The following DCAF8L2 variants were observed in gnomAD, a reference collection of about 807,000 sequenced individuals.
DCAF8L2 encodes DDB1 and CUL4 associated factor 8 like 2.
For synonymous variants in DCAF8L2, 200 were observed against 190.9 expected (o/e 1.05, Z -0.39); for missense variants, 430 against 490.7 (o/e 0.88, Z 1.17).
At chrX:27,519,485 T>G in the DCAF8L2 span, 5 of 1,039,226 alleles carry the variant, frequency 4.8e-6, no homozygotes, top group East Asian at 1.2e-4. Context: ...GCTACTGAGT[T>G]GCAACACAAA....
rs1314037827 is a variant in DCAF8L2, at chrX:27,677,887, T to A, written c.-168T>A. On this transcript the variant is annotated 5_prime_UTR_variant, in exon 3 of 5. Transcript: ENST00000451261. The stretch of plus-strand genomic sequence containing the variant: ...ATATCACATGTGAACTTTCTGACCA[T>A]ACTGTGGAGCGGTGCTAATAAGGAG... 3 of 111,922 alleles carry A rather than the reference T, an allele frequency of 2.7e-5. No homozygotes were observed. Among genetic ancestry groups the A allele is most frequent in the Non-Finnish European group, 5.6e-5 (3 of 53,118 alleles). The allele number at this position is 111,922 out of a possible 1,213,427, so 9.2% of individuals were successfully genotyped here. A position where few individuals can be genotyped will look rare whatever the true frequency, so the allele number is the denominator to read the frequency against.
intron 1 of DCAF8L2, among the ~76,000 whole-genome samples, chrX:27,624,935 C>T (rs746079684): frequency 5.4e-5 from 6 of 111,551 alleles, no homozygotes; most frequent in Non-Finnish European, 1.1e-4. Flanking sequence ...TGGATATAGG[C>T]CCTGGCAAAG....
At chrX:27,555,804 C>T in the DCAF8L2 span, among the ~76,000 whole-genome samples, 3 of 111,477 alleles carry the variant, frequency 2.7e-5, no homozygotes, top group Non-Finnish European at 5.7e-5. Flanking sequence ...TCTACCACAG[C>T]CACATGCCAC....
the DCAF8L2 span, among the ~76,000 whole-genome samples, chrX:27,528,476 G>A: frequency 1.2e-3 from 99 of 83,433 alleles, 1 homozygote; most frequent in East Asian, 0.01. Context: ...ATGTGTATGT[G>A]TATATATATA....
At chrX:27,727,691 C>T (rs757576435) in intron 4 of DCAF8L2, among the ~76,000 whole-genome samples, 14 of 111,131 alleles carry the variant, frequency 1.3e-4, no homozygotes, top group Non-Finnish European at 5.7e-5. Flanking sequence ...ATATAAACAC[C>T]GTGCTAAAAT....
rs1418456000 is a variant in DCAF8L2, at chrX:27,592,126, G to A, written c.-342+1686G>A. Among the ~76,000 whole-genome samples, 13 of 112,474 alleles carry A rather than the reference G, an allele frequency of 1.2e-4. No homozygotes were observed. The East Asian group carries it at 3.7e-3, about 32-fold the overall frequency. On this transcript the variant is annotated intron_variant, in intron 1 of 4. Coordinates refer to ENST00000451261, the MANE Select transcript of DCAF8L2 (RefSeq NM_001353450.2). ...AGGCGAGGGCGATGCAGATGGGTAG[G>A]AGGAGTAGCGCCTGCTGCTGCCTGG...
chrX:27,512,537 A>T, the DCAF8L2 span, among the ~76,000 whole-genome samples: 3 of 106,615 alleles, frequency 2.8e-5, no homozygotes, highest in Non-Finnish European at 3.8e-5. Flanking sequence ...TACAAAAATT[A>T]GCTGGGTGTG....
At chrX:27,720,214 G>A (rs1337650866) in intron 4 of DCAF8L2, among the ~76,000 whole-genome samples, 6 of 110,450 alleles carry the variant, frequency 5.4e-5, no homozygotes, top group Non-Finnish European at 1.1e-4. Flanking sequence ...GTCTATTTCT[G>A]GAATCTTGAC....
intron 4 of DCAF8L2, 87 bp from the exon 5 acceptor site, chrX:27,746,751 T>C: frequency 1.9e-6 from 1 of 532,119 alleles, no homozygotes; most frequent in East Asian, 3.6e-5. Context: ...TTTAGTCTCC[T>C]TTAGCCAATC....
intron 3 of DCAF8L2, among the ~76,000 whole-genome samples, chrX:27,708,590 T>C (rs1931418921): frequency 8.9e-6 from 1 of 112,412 alleles, no homozygotes; most frequent in Non-Finnish European, 1.9e-5. Context: ...GGTTTATATA[T>C]ATGCAATCTT....
At chrX:27,514,668 C>CAAAAA in the DCAF8L2 span, among the ~76,000 whole-genome samples, 7 of 2,506 alleles carry the variant, frequency 2.8e-3, no homozygotes, top group Non-Finnish European at 3.7e-3. Flanking sequence ...GACTCCGTCT[C>CAAAAA]AAAAAAAAAA....
intron 3 of DCAF8L2, among the ~76,000 whole-genome samples, chrX:27,703,536 A>G (rs1050635754): frequency 9.0e-6 from 1 of 111,708 alleles, no homozygotes; most frequent in Admixed American, 9.6e-5. Flanking sequence ...TTTATGGTCA[A>G]TTTATTTTTG....
At chrX:27,666,503 G>T (rs2147219181) in intron 2 of DCAF8L2, among the ~76,000 whole-genome samples, 1 of 111,912 alleles carries the variant, frequency 8.9e-6, no homozygotes, top group African/African-American at 3.2e-5. Context: ...TTTTAACCTG[G>T]ATGGAAAATA....
At chrX:27,550,245 T>C in the DCAF8L2 span, among the ~76,000 whole-genome samples, 1 of 112,172 alleles carries the variant, frequency 8.9e-6, no homozygotes, top group Non-Finnish European at 1.9e-5. Context: ...GTTAAAACTT[T>C]TTATTACTTT....
At chrX:27,577,059 AT>A in the DCAF8L2 span, among the ~76,000 whole-genome samples, 1 of 111,906 alleles carries the variant, frequency 8.9e-6, no homozygotes, top group East Asian at 2.8e-4. Flanking sequence ...AGACGTAGGG[AT>A]GTTGGTCCAT....
chrX:27,707,477 GTGGTGATTATA>G lies in DCAF8L2; in HGVS notation c.-142-8607_-142-8597del, dbSNP rs1194516084. Among the ~76,000 whole-genome samples, 4 of 111,452 alleles carry G rather than the reference GTGGTGATTATA, an allele frequency of 3.6e-5. No individual in the cohort carries two copies. In the East Asian group the frequency reaches 1.1e-3, roughly 31 times the overall value. On this transcript the variant is annotated intron_variant, in intron 3 of 4. Transcript: ENST00000451261. ...AAATCTTAACAATCATAACATTTAG[GTGGTGATTATA>G]TGGATATGGCATTTCTATATGTTTG...
chrX:27,623,528 A>G (rs1927879135), intron 1 of DCAF8L2, among the ~76,000 whole-genome samples: 1 of 111,324 alleles, frequency 9.0e-6, no homozygotes, highest in African/African-American at 3.3e-5. Flanking sequence ...AAAAACATTT[A>G]TAACAACAAG....
At chrX:27,492,140 C>A in the DCAF8L2 span, among the ~76,000 whole-genome samples, 1 of 112,263 alleles carries the variant, frequency 8.9e-6, no homozygotes, top group Non-Finnish European at 1.9e-5. Context: ...CTGGACAGTT[C>A]TTCTAAACAG....
At chrX:27,693,271 C>G (rs1250807366) in intron 3 of DCAF8L2, among the ~76,000 whole-genome samples, 3 of 111,163 alleles carry the variant, frequency 2.7e-5, no homozygotes, top group Non-Finnish European at 5.7e-5. Flanking sequence ...AGAAACTTAG[C>G]TCTCTGAATC....
Sources: gnomAD v4.1 joint callset for allele counts (sites outside exome capture counted in the v4.1 genomes callset) on GRCh38, gnomAD v4.1.1 for gene constraint, MANE v1.5 for transcripts, NCBI Gene and HGNC (gene_info 2026-07-23, HGNC 2026-07-21) for gene names.